Variants in AK9 observed in about 807,000 individuals in gnomAD.
The protein encoded by AK9 is adenylate kinase domain containing 1.
Under a neutral mutation model 239.6 loss-of-function variants are expected in AK9, and 191 were observed. The observed-to-expected ratio is 0.80, with a 90% confidence interval of 0.71 to 0.90. The LOEUF (loss-of-function observed/expected upper bound fraction) is 0.90, where lower values mean the gene tolerates loss of function less well. Ranked by LOEUF, AK9 falls within the 40% of genes least tolerant of loss-of-function variation. The probability of loss-of-function intolerance (pLI) is 0.00; values close to 1 mark genes in which losing one functional copy is unlikely to be tolerated. For missense variants in AK9, 1,995 were observed against 2,214.7 expected (o/e 0.90, Z 1.99); for synonymous variants, 689 against 721.0 (o/e 0.96, Z 0.71).
At chr6:109,608,851 C>T (rs1279470861) in intron 17 of AK9, among the ~76,000 whole-genome samples, 2 of 152,072 alleles carry the variant, frequency 1.3e-5, no homozygotes, top group Admixed American at 1.3e-4. Context: ...AAGAAACAAT[C>T]CAATTTAAAA....
At position 109,633,098 on chromosome 6, in the gene AK9, A is replaced by G; in HGVS notation, c.1079T>C (p.Leu360Pro). The change falls in exon 12 of 41, where the codon CTA (leucine) becomes CCA (proline). Residue 360 changes from leucine (L) to proline (P), a missense_variant. Transcript: ENST00000424296. ...SGLPDYSVSF[L>P]GKIYCLSSEE... The stretch of plus-strand genomic sequence containing the variant: ...TGATGAAAGACAGTAGATTTTACCT[A>G]GAAAACTTAAAATATGCCATATTAG... 1 of 1,546,240 alleles carries G rather than the reference A, an allele frequency of 6.5e-7. No individual in the cohort carries two copies. The highest frequency in any genetic ancestry group is 8.7e-7 in the Non-Finnish European group (1 of 1,154,434).
intron 1 of AK9, among the ~76,000 whole-genome samples, chr6:109,685,659 A>G (rs957045476): frequency 1.3e-5 from 2 of 152,150 alleles, no homozygotes; most frequent in South Asian, 2.1e-4. Context: ...GCAAACCACC[A>G]TGGCATATGT....
chr6:109,685,133 A>C (rs1298223642), intron 1 of AK9, among the ~76,000 whole-genome samples: 1 of 152,030 alleles, frequency 6.6e-6, no homozygotes, highest in Non-Finnish European at 1.5e-5. Flanking sequence ...TGTTGGTGGG[A>C]GTGTAAATTA....
At chr6:109,636,530 C>T (rs1188140248) in intron 10 of AK9, among the ~76,000 whole-genome samples, 2 of 151,478 alleles carry the variant, frequency 1.3e-5, no homozygotes, top group African/African-American at 4.9e-5. Flanking sequence ...TCATCCCAAA[C>T]AGAACTCTGT....
At chr6:109,582,541 G>A (rs923352600) in intron 19 of AK9, among the ~76,000 whole-genome samples, 1 of 152,176 alleles carries the variant, frequency 6.6e-6, no homozygotes, top group Non-Finnish European at 1.5e-5. Flanking sequence ...AGCCTAAATT[G>A]CTGCAATCTC....
chr6:109,685,037 T>C (rs1773301966), intron 1 of AK9, among the ~76,000 whole-genome samples: 1 of 135,514 alleles, frequency 7.4e-6, no homozygotes, highest in Admixed American at 7.1e-5. Flanking sequence ...AGATACCATC[T>C]CACACCAGTT....
At chr6:109,537,532 T>C (rs2128141515) in intron 27 of AK9, among the ~76,000 whole-genome samples, 1 of 138,986 alleles carries the variant, frequency 7.2e-6, no homozygotes, top group South Asian at 2.3e-4. Context: ...TCTATCAATT[T>C]TGTTGATCTT....
rs909054515 is a variant in AK9 at position 109,619,161 on chromosome 6, C to A, written c.1330G>T (p.Glu444Ter). Residue 444 changes from glutamate to a stop codon, truncating the protein, a stop_gained, in exon 13 of 41, where the codon GAG (glutamate) becomes TAG (stop). Transcript: ENST00000424296. LOFTEE classifies it high-confidence loss of function. ...RETLVENTIA[E>*]ATAAAIKVVK... ...ACTTTAATTGCTGCTGCAGTGGCCT[C>A]AGCTATGGTATTTTCTACTAATGTT... 6.5e-7 allele frequency: 1 copy of A among 1,549,684 alleles called. No homozygotes were observed. The highest frequency in any genetic ancestry group is 8.7e-7 in the Non-Finnish European group (1 of 1,146,066).
intron 27 of AK9, among the ~76,000 whole-genome samples, chr6:109,541,024 C>A (rs1340739568): frequency 6.6e-6 from 1 of 152,200 alleles, no homozygotes. Flanking sequence ...CTTTGGCCCT[C>A]TCCCCTGGCT....
At chr6:109,597,246 C>A (rs1210422495) in intron 17 of AK9, among the ~76,000 whole-genome samples, 7 of 152,164 alleles carry the variant, frequency 4.6e-5, no homozygotes, top group African/African-American at 1.4e-4. Context: ...TTCATACTTC[C>A]TAACAGTGTT....
chr6:109,564,412 C>T, intron 22 of AK9, 132 bp from the exon 23 acceptor site: 1 of 629,046 alleles, frequency 1.6e-6, no homozygotes, highest in East Asian at 2.9e-5. Flanking sequence ...CAACAATATA[C>T]ATTCATAAAT....
chr6:109,539,764 C>T (rs1309061695), intron 27 of AK9, among the ~76,000 whole-genome samples: 2 of 152,206 alleles, frequency 1.3e-5, no homozygotes, highest in East Asian at 1.9e-4. Context: ...ATGATGGTGA[C>T]GTACAGATGG....
intron 17 of AK9, among the ~76,000 whole-genome samples, chr6:109,595,960 C>A (rs1016783921): frequency 6.6e-6 from 1 of 151,858 alleles, no homozygotes; most frequent in African/African-American, 2.4e-5. Context: ...TGTAACAAAC[C>A]TGCACATTCT....
In AK9 at chr6:109,564,211, A is replaced by G. The variant is rs1583023872; in HGVS notation, c.2504T>C (p.Ile835Thr). 6.4e-7 allele frequency: 1 copy of G among 1,551,444 alleles called. No homozygotes were observed. The highest frequency in any genetic ancestry group is 8.7e-7 in the Non-Finnish European group (1 of 1,146,874). Residue 835 changes from isoleucine (I) to threonine (T), a missense_variant, in exon 23 of 41, where the codon ATT (isoleucine) becomes ACT (threonine). By Grantham distance (89) the Ile-to-Thr change is moderately conservative. This residue lies in a region of AK9 where 1,290 missense variants were observed against 1,392.7 expected (regional missense o/e 0.93). Coordinates refer to ENST00000424296, the MANE Select transcript of AK9 (RefSeq NM_001145128.3). ...TTTCCAGAGGATGATGAAAGAACCA[A>G]TCTTCTCTTTAAATGGCTCCATTTC... ...VPEMEPFKEK[I>T]GSFIILWKQL...
chr6:109,517,985 G>A (rs1779438434), intron 29 of AK9, among the ~76,000 whole-genome samples: 1 of 151,994 alleles, frequency 6.6e-6, no homozygotes, highest in Non-Finnish European at 1.5e-5. Context: ...GGAAGGGATG[G>A]GGGGTTACAA....
rs533361923 is a variant in AK9, at chr6:109,656,683, A to G, written c.759+73T>C. 15 of 1,442,906 alleles carry G rather than the reference A, an allele frequency of 1.0e-5. No homozygotes were observed. The South Asian group carries it at 1.8e-4, about 17-fold the overall frequency. The allele number at this position is 1,442,906 out of a possible 1,614,324, so 89.4% of individuals were successfully genotyped here. A position where few individuals can be genotyped will look rare whatever the true frequency, so the allele number is the denominator to read the frequency against. ...GATAATAACACATGGGGATGAAGAC[A>G]TGTGAAAGCTACTTAACCAGTGATG... On this transcript the variant is annotated intron_variant, in intron 8 of 40. Coordinates refer to ENST00000424296, the MANE Select transcript of AK9 (RefSeq NM_001145128.3).
chr6:109,568,794 G>A (rs1786957520), intron 21 of AK9, among the ~76,000 whole-genome samples: 1 of 152,108 alleles, frequency 6.6e-6, no homozygotes, highest in Admixed American at 6.5e-5. Flanking sequence ...TCAAACAAAT[G>A]GGAGAACATT....
intron 20 of AK9, among the ~76,000 whole-genome samples, chr6:109,578,569 A>G (rs542341835): frequency 9.5e-5 from 14 of 147,960 alleles, no homozygotes; most frequent in Non-Finnish European, 1.6e-4. Context: ...TGTTTTGGGG[A>G]TCTTGGGTTC....
intron 12 of AK9, among the ~76,000 whole-genome samples, chr6:109,622,624 A>G (rs1180098147): frequency 6.8e-6 from 1 of 147,302 alleles, no homozygotes; most frequent in African/African-American, 2.5e-5. Flanking sequence ...TAGACATAAA[A>G]TATATGTATA....
Sources: allele counts gnomAD v4.1 joint callset (sites outside exome capture counted in the v4.1 genomes callset), GRCh38; gene constraint gnomAD v4.1.1; regional missense constraint gnomAD v4.1.1; transcripts MANE v1.5; gene names NCBI Gene and HGNC (gene_info 2026-07-23, HGNC 2026-07-21).